Variants in NAB1 observed in about 807,000 individuals in gnomAD.
NAB1 encodes NGFI-A binding protein 1, also known as NGFI-A-binding protein 1.
A neutral mutation model predicts 49.9 loss-of-function variants in NAB1; 25 were observed. That is an observed-to-expected ratio of 0.50 (90% CI 0.37 to 0.70). The LOEUF is 0.70. Ranked by LOEUF, NAB1 falls within the 30% of genes least tolerant of loss-of-function variation. NAB1 has a pLI of 0.00. For synonymous variants in NAB1, 198 were observed against 215.6 expected (o/e 0.92, Z 0.71); for missense variants, 489 against 575.9 (o/e 0.85, Z 1.54).
rs1002570846 is a variant in NAB1, at chr2:190,692,402, T to G, written c.*2069T>G. The G allele has an allele frequency of 2.0e-5, 3 of 152,626 alleles. No homozygotes were observed. Among genetic ancestry groups the G allele is most frequent in the African/African-American group, 7.2e-5 (3 of 41,456 alleles). The allele number at this position is 152,626 out of a possible 1,614,324, so 9.5% of individuals were successfully genotyped here. A position where few individuals can be genotyped will look rare whatever the true frequency, so the allele number is the denominator to read the frequency against. On this transcript the variant is annotated 3_prime_UTR_variant, in exon 10 of 10. Coordinates refer to ENST00000337386, the MANE Select transcript of NAB1 (RefSeq NM_005966.4). This position sits in a 1 kb window ranked among gnomAD's most constrained non-coding sequence, Gnocchi z 5.2. ...TTAACTATCTTATGTTTCTAGTCTTTCAAGCTTAGTGATAAGGTGGAAGCA... is the reference window on the plus strand; with the variant it reads ...TTAACTATCTTATGTTTCTAGTCTTGCAAGCTTAGTGATAAGGTGGAAGCA...
intron 6 of NAB1, among the ~76,000 whole-genome samples, chr2:190,683,377 C>T (rs1349332662): frequency 6.9e-6 from 1 of 145,004 alleles, no homozygotes; most frequent in Non-Finnish European, 1.5e-5. Context: ...AACTCCTGAC[C>T]TCAGGTGATC....
At position 190,687,262 on chromosome 2, in the gene NAB1, G is replaced by T; in HGVS notation, c.1320G>T (p.Val440=). The T allele has an allele frequency of 6.2e-7, 1 of 1,600,988 alleles. No individual in the cohort carries two copies. Among genetic ancestry groups the T allele is most frequent in the Non-Finnish European group, 8.5e-7 (1 of 1,176,286 alleles). The change falls in exon 9 of 10, where the codon GTG becomes GTT. Residue 440 remains valine (V), a synonymous_variant. Transcript: ENST00000337386. ...NLQNRQPHHF[V]VDGELSRLYP... is the part of the protein sequence containing the mutation. Reference sequence around the variant, plus strand: ...AGAACAGACAACCCCATCATTTTGTGGTGGATGGGGAGCTGAGCAGACTTT... The same window carrying T: ...AGAACAGACAACCCCATCATTTTGTTGTGGATGGGGAGCTGAGCAGACTTT...
At position 190,680,807 on chromosome 2, in the gene NAB1, T is replaced by A. The variant is rs1194309569; in HGVS notation, c.1006-2931T>A. On this transcript the variant is annotated intron_variant, in intron 6 of 9. Coordinates refer to ENST00000337386, the MANE Select transcript of NAB1 (RefSeq NM_005966.4). This position sits in a 1 kb window ranked among gnomAD's most constrained non-coding sequence, Gnocchi z 5.2. Reference sequence around the variant, plus strand: ...TCCCCAGTATGATGCTTTACTCTGATTAAATCTGGTGGCTTTTTGGATGAA... The same window carrying A: ...TCCCCAGTATGATGCTTTACTCTGAATAAATCTGGTGGCTTTTTGGATGAA... Among the ~76,000 whole-genome samples, 1 of 152,236 alleles carries A rather than the reference T, an allele frequency of 6.6e-6. No homozygotes were observed. The highest frequency in any genetic ancestry group is 1.9e-4 in the East Asian group (1 of 5,200).
rs1695815901 is a variant in NAB1 at position 190,689,623 on chromosome 2, A to G, written c.1376-622A>G. Among the ~76,000 whole-genome samples the G allele has an allele frequency of 6.6e-6, 1 of 152,160 alleles. No homozygotes were observed. The highest frequency in any genetic ancestry group is 2.4e-5 in the African/African-American group (1 of 41,436). ...TCTGTAGTGTTTGTGTATGGTTGAA[A>G]TAACTGTACACATAGAACTCCATGG... On this transcript the variant is annotated intron_variant, in intron 9 of 9. Coordinates refer to ENST00000337386, the MANE Select transcript of NAB1 (RefSeq NM_005966.4). This position sits in a 1 kb window ranked among gnomAD's most constrained non-coding sequence, Gnocchi z 4.3.
rs879585929 is a variant in NAB1 at position 190,680,148 on chromosome 2, C to T, written c.1006-3590C>T. 4.6e-5 allele frequency among the ~76,000 whole-genome samples: 7 copies of T among 152,230 alleles called. No homozygotes were observed. Among genetic ancestry groups the T allele is most frequent in the African/African-American group, 7.2e-5 (3 of 41,462 alleles). ...CACCACCCTGAACTCCCCTCCTCCG[C>T]GTACATTCTCCCCATCACATTCACA... is the stretch of plus-strand genomic sequence containing the variant. On this transcript the variant is annotated intron_variant, in intron 6 of 9. Coordinates refer to ENST00000337386, the MANE Select transcript of NAB1 (RefSeq NM_005966.4). This position sits in a 1 kb window ranked among gnomAD's most constrained non-coding sequence, Gnocchi z 5.2.
intron 2 of NAB1, among the ~76,000 whole-genome samples, chr2:190,650,439 G>A (rs892008565): frequency 1.3e-5 from 2 of 152,180 alleles, no homozygotes; most frequent in Non-Finnish European, 2.9e-5. Context: ...AGATTGCATA[G>A]GAACAGAGGA....
At chr2:190,690,034 T>TATATGTATA (rs1695872932) in intron 9 of NAB1, among the ~76,000 whole-genome samples, 4 of 8,562 alleles carry the variant, frequency 4.7e-4, no homozygotes, top group African/African-American at 1.2e-3. Context: ...GTATACTATA[T>TATATGTATA]GTATACATCT....
intron 4 of NAB1, among the ~76,000 whole-genome samples, chr2:190,660,286 T>G (rs1158428842): frequency 2.0e-5 from 3 of 152,226 alleles, no homozygotes; most frequent in African/African-American, 7.2e-5. Flanking sequence ...TTTGCATTTG[T>G]AAGGCTGTTT....
In NAB1 at chr2:190,663,232, T is replaced by C. The variant is rs1401196105; in HGVS notation, c.819+3237T>C. On this transcript the variant is annotated intron_variant, in intron 4 of 9. Transcript: ENST00000337386. This position sits in a 1 kb window ranked among gnomAD's most constrained non-coding sequence, Gnocchi z 4.2. ...GTTACATTTTTCTAAGAATATCCATTTCATCTGAGTTTTCAAACTTAGTGG... is the reference window on the plus strand; with the variant it reads ...GTTACATTTTTCTAAGAATATCCATCTCATCTGAGTTTTCAAACTTAGTGG... Among the ~76,000 whole-genome samples the C allele has an allele frequency of 6.6e-6, 1 of 152,208 alleles. No individual in the cohort carries two copies. Among genetic ancestry groups the C allele is most frequent in the African/African-American group, 2.4e-5 (1 of 41,464 alleles).
chr2:190,687,002 T>C (rs559258464), intron 8 of NAB1, among the ~76,000 whole-genome samples, 199 bp from the exon 9 acceptor site: 2 of 152,288 alleles, frequency 1.3e-5, no homozygotes, highest in East Asian at 3.9e-4. Flanking sequence ...ATTGTAAACC[T>C]TGGGACTGGC....
In NAB1 at chr2:190,690,846, A is replaced by T. The variant is rs1242418548; in HGVS notation, c.*513A>T. 1.3e-5 allele frequency: 2 copies of T among 152,702 alleles called. No individual in the cohort carries two copies. The highest frequency in any genetic ancestry group is 2.9e-5 in the Non-Finnish European group (2 of 68,088). 9.5% of individuals were successfully genotyped at this position (152,702 alleles called of 1,614,324 possible). On this transcript the variant is annotated 3_prime_UTR_variant, in exon 10 of 10. Coordinates refer to ENST00000337386, the MANE Select transcript of NAB1 (RefSeq NM_005966.4). ...ATTGGCAAGATTGCAATGATTATGGAAAAATAGAAAGCGAATACTCAGTTT... is the reference window on the plus strand; with the variant it reads ...ATTGGCAAGATTGCAATGATTATGGTAAAATAGAAAGCGAATACTCAGTTT...
intron 4 of NAB1, among the ~76,000 whole-genome samples, chr2:190,664,314 C>G (rs761817664): frequency 6.6e-6 from 1 of 150,436 alleles, no homozygotes. Context: ...CATGAGCTCT[C>G]TTTTTGTTAG....
intron 5 of NAB1, among the ~76,000 whole-genome samples, chr2:190,672,208 G>A (rs989687171): frequency 2.0e-5 from 3 of 152,238 alleles, no homozygotes; most frequent in Non-Finnish European, 2.9e-5. Flanking sequence ...TGGATGTGCT[G>A]TGATTCATTT....
chr2:190,651,273 TGAGTA>T lies in NAB1; in HGVS notation c.-197+1292_-197+1296del, dbSNP rs151197316. Among the ~76,000 whole-genome samples, 36,558 of 152,062 alleles carry T rather than the reference TGAGTA, an allele frequency of 0.24. 5,359 individuals are homozygous for T. The highest frequency in any genetic ancestry group is 0.39 in the South Asian group (1,874 of 4,816). On this transcript the variant is annotated intron_variant, in intron 2 of 9. Coordinates refer to ENST00000337386, the MANE Select transcript of NAB1 (RefSeq NM_005966.4). This position sits in a 1 kb window ranked among gnomAD's most constrained non-coding sequence, Gnocchi z 4.3. Reference sequence around the variant, plus strand: ...TCATCTTATTTCAAAATTATTCAGTTGAGTAATCTCTTTTTTGTAAGTGGCAAATA... The same window carrying T: ...TCATCTTATTTCAAAATTATTCAGTTATCTCTTTTTTGTAAGTGGCAAATA...
rs1053019811 is a variant in NAB1, at chr2:190,669,600, T to C, written c.820-726T>C. On this transcript the variant is annotated intron_variant, in intron 4 of 9. Transcript: ENST00000337386. This position sits in a 1 kb window ranked among gnomAD's most constrained non-coding sequence, Gnocchi z 4.3. Reference sequence around the variant, plus strand: ...GCATATTAAAAAAGTCTGATATACCTCTTGACAGTTTCCTATATCTATTGA... The same window carrying C: ...GCATATTAAAAAAGTCTGATATACCCCTTGACAGTTTCCTATATCTATTGA... Among the ~76,000 whole-genome samples, 1 of 152,176 alleles carries C rather than the reference T, an allele frequency of 6.6e-6. No homozygotes were observed. The highest frequency in any genetic ancestry group is 2.4e-5 in the African/African-American group (1 of 41,436).
chr2:190,664,124 C>A (rs1559233047), intron 4 of NAB1, among the ~76,000 whole-genome samples: 1 of 152,128 alleles, frequency 6.6e-6, no homozygotes, highest in Non-Finnish European at 1.5e-5. Flanking sequence ...TTCTGTCATT[C>A]AAATCTTATA....
chr2:190,655,522 G>A (rs193031868), intron 2 of NAB1, among the ~76,000 whole-genome samples: 11 of 152,354 alleles, frequency 7.2e-5, no homozygotes, highest in African/African-American at 4.8e-5. Flanking sequence ...AAAGTAAGGT[G>A]AAGAGCATCT....
rs1470838363 is a variant in NAB1 at position 190,676,126 on chromosome 2, CA to C, written c.1005+2975del. Among the ~76,000 whole-genome samples, 3 of 151,898 alleles carry C rather than the reference CA, an allele frequency of 2.0e-5. No homozygotes were observed. Among genetic ancestry groups the C allele is most frequent in the Admixed American group, 6.6e-5 (1 of 15,240 alleles). On this transcript the variant is annotated intron_variant, in intron 6 of 9. Transcript: ENST00000337386. This position sits in a 1 kb window ranked among gnomAD's most constrained non-coding sequence, Gnocchi z 4.6. ...GAGAATTTCTGGTATGAGAAGAGAT[CA>C]GGGGAGACTATTGGGAAGGTGTAAT...
rs1489995502 is a variant in NAB1, at chr2:190,649,965, C to G, written c.-214C>G. 1.3e-5 allele frequency: 2 copies of G among 152,194 alleles called. No individual in the cohort carries two copies. The highest frequency in any genetic ancestry group is 2.9e-5 in the Non-Finnish European group (2 of 68,052). The allele number at this position is 152,194 out of a possible 1,614,324, so 9.4% of individuals were successfully genotyped here. A position where few individuals can be genotyped will look rare whatever the true frequency, so the allele number is the denominator to read the frequency against. On this transcript the variant is annotated 5_prime_UTR_variant, in exon 2 of 10. Transcript: ENST00000337386. The surrounding 1 kb of genome is among the most constrained non-coding windows in gnomAD (Gnocchi z 6.1). ...AATTTGGAAACACATGTGGGACATA[C>G]AAGCGTTGGATATAGAGGTGTGTGT... is the stretch of plus-strand genomic sequence containing the variant.
Sources: gnomAD v4.1 joint callset for allele counts (sites outside exome capture counted in the v4.1 genomes callset) on GRCh38, gnomAD v4.1.1 for gene constraint, Gnocchi (gnomAD v3.1) non-coding constraint, MANE v1.5 for transcripts, NCBI Gene and HGNC (gene_info 2026-07-23, HGNC 2026-07-21) for gene names.